The following COP1 variants were observed in gnomAD, a reference collection of about 807,000 sequenced individuals.
COP1 encodes the protein E3 ubiquitin-protein ligase COP1.
In COP1, 24 loss-of-function variants were observed where a neutral mutation model predicts 101.3. The ratio of observed to expected loss-of-function variants is 0.24; its 90% CI spans 0.17 to 0.33. COP1 has a LOEUF of 0.33. Among genes scored for constraint, COP1 ranks in the 10% least tolerant of loss-of-function variants. The pLI is 1.00. For synonymous variants in COP1, 347 were observed against 341.9 expected (o/e 1.01, Z -0.17); for missense variants, 663 against 906.2 (o/e 0.73, Z 3.45).
intron 14 of COP1, among the ~76,000 whole-genome samples, chr1:176,039,580 G>GA (rs58546888): frequency 1.0e-4 from 15 of 149,396 alleles, no homozygotes; most frequent in Middle Eastern, 3.5e-3. Flanking sequence ...ATGTTTTACA[G>GA]AAAAAAAAAA....
At chr1:176,022,387 G>A (rs1666906336) in intron 15 of COP1, among the ~76,000 whole-genome samples, 1 of 151,968 alleles carries the variant, frequency 6.6e-6, no homozygotes, top group South Asian at 2.1e-4. Flanking sequence ...AACTCCAAAA[G>A]CAATGTTTAA....
intron 11 of COP1, 113 bp from the exon 12 acceptor site, chr1:176,046,437 T>G (rs10494497): frequency 0.081 from 72,398 of 897,330 alleles, 3,386 homozygotes; most frequent in Non-Finnish European, 0.089. Context: ...CAAATTGTAC[T>G]AGACCTCATA....
chr1:176,120,203 C>T (rs1174347556), intron 8 of COP1, among the ~76,000 whole-genome samples: 1 of 151,834 alleles, frequency 6.6e-6, no homozygotes, highest in African/African-American at 2.4e-5. Context: ...GGCGGATCAC[C>T]TGAGGTCAGG....
At chr1:176,154,601 T>C (rs978046902) in intron 5 of COP1, among the ~76,000 whole-genome samples, 9 of 151,788 alleles carry the variant, frequency 5.9e-5, no homozygotes, top group Non-Finnish European at 7.4e-5. Flanking sequence ...CATGGACACA[T>C]AGAGGGGAAC....
intron 18 of COP1, among the ~76,000 whole-genome samples, chr1:175,947,934 T>C (rs1649393821): frequency 6.6e-6 from 1 of 152,216 alleles, no homozygotes; most frequent in South Asian, 2.1e-4. Context: ...TTTTCTCTCA[T>C]AAAATACCAG....
At chr1:176,064,516 A>G (rs900322942) in intron 11 of COP1, among the ~76,000 whole-genome samples, 1 of 152,188 alleles carries the variant, frequency 6.6e-6, no homozygotes, top group Non-Finnish European at 1.5e-5. Flanking sequence ...CCCTATCAAC[A>G]TTAGTTACCA....
chr1:176,192,550 C>T (rs190276633), intron 1 of COP1, among the ~76,000 whole-genome samples: 1 of 152,222 alleles, frequency 6.6e-6, no homozygotes, highest in East Asian at 1.9e-4. Context: ...ATTCCTAAAA[C>T]ACAAAATATA....
intron 11 of COP1, among the ~76,000 whole-genome samples, chr1:176,059,775 T>C (rs1674526433): frequency 6.6e-6 from 1 of 152,082 alleles, no homozygotes; most frequent in African/African-American, 2.4e-5. Flanking sequence ...GCCATTGATA[T>C]CTATTAATTT....
intron 1 of COP1, among the ~76,000 whole-genome samples, chr1:176,201,988 T>C (rs1358322794): frequency 2.0e-5 from 3 of 152,172 alleles, no homozygotes; most frequent in Non-Finnish European, 2.9e-5. Flanking sequence ...AGTCCTATAT[T>C]TATAAGCTCA....
intron 8 of COP1, among the ~76,000 whole-genome samples, chr1:176,133,530 T>C (rs1297821128): frequency 1.3e-5 from 2 of 151,774 alleles, no homozygotes; most frequent in African/African-American, 4.8e-5. Context: ...TTTTAGTGTC[T>C]CCCCCAACCT....
chr1:176,172,627 G>A (rs915647791), intron 3 of COP1, among the ~76,000 whole-genome samples: 2 of 152,180 alleles, frequency 1.3e-5, no homozygotes, highest in Admixed American at 6.5e-5. Context: ...GAGGAAATCT[G>A]AAATCATTTT....
chr1:176,027,431 C>T (rs544207487), intron 15 of COP1, 141 bp downstream of exon 15: 60 of 637,796 alleles, frequency 9.4e-5, no homozygotes, highest in African/African-American at 8.9e-4. Context: ...TGATGGCATA[C>T]TGTATACTTC....
At chr1:176,025,001 A>G (rs1042223825) in intron 15 of COP1, among the ~76,000 whole-genome samples, 4 of 152,208 alleles carry the variant, frequency 2.6e-5, no homozygotes, top group African/African-American at 9.6e-5. Flanking sequence ...CCAATTAAAT[A>G]TAGTAGTTTA....
At chr1:176,101,026 T>G (rs1208482377) in intron 9 of COP1, among the ~76,000 whole-genome samples, 5 of 152,136 alleles carry the variant, frequency 3.3e-5, no homozygotes, top group African/African-American at 4.8e-5. Context: ...AAGCTTCCCA[T>G]TGCATAGATA....
At chr1:176,021,919 C>T (rs1190570265) in intron 15 of COP1, among the ~76,000 whole-genome samples, 1 of 152,224 alleles carries the variant, frequency 6.6e-6, no homozygotes, top group Non-Finnish European at 1.5e-5. Flanking sequence ...ATTCCATCTT[C>T]TATATACATA....
intron 11 of COP1, among the ~76,000 whole-genome samples, chr1:176,053,439 T>C (rs1164841684): frequency 6.6e-6 from 1 of 152,198 alleles, no homozygotes; most frequent in African/African-American, 2.4e-5. Flanking sequence ...AACTTTCAGC[T>C]CACTGTCATT....
chr1:176,141,744 T>G (rs2149780327), intron 6 of COP1, among the ~76,000 whole-genome samples: 1 of 151,426 alleles, frequency 6.6e-6, no homozygotes, highest in East Asian at 2.0e-4. Context: ...TCTTTTTTTT[T>G]TTTTAAGACA....
chr1:176,099,577 T>C (rs1683027677), intron 9 of COP1, among the ~76,000 whole-genome samples: 1 of 152,022 alleles, frequency 6.6e-6, no homozygotes, highest in Non-Finnish European at 1.5e-5. Context: ...TAGTTGTAAG[T>C]GTTCTTAACT....
intron 9 of COP1, among the ~76,000 whole-genome samples, chr1:176,094,536 CAG>C (rs1480158942): frequency 5.3e-5 from 8 of 151,732 alleles, no homozygotes; most frequent in African/African-American, 2.4e-5. Flanking sequence ...ACAAATCAAA[CAG>C]AAATATTTAT....
Sources: gnomAD v4.1 joint callset for allele counts (sites outside exome capture counted in the v4.1 genomes callset) on GRCh38, gnomAD v4.1.1 for gene constraint, MANE v1.5 for transcripts, NCBI Gene and HGNC (gene_info 2026-07-23, HGNC 2026-07-21) for gene names.